BCL7C: variants seen among roughly 807,000 people sequenced by gnomAD.
The protein encoded by BCL7C is B-cell CLL/lymphoma 7 protein family member C.
A neutral mutation model predicts 26.2 loss-of-function variants in BCL7C; 8 were observed. That is an observed-to-expected ratio of 0.30 (90% CI 0.18 to 0.55). The LOEUF (loss-of-function observed/expected upper bound fraction) is 0.55. Among genes scored for constraint, BCL7C ranks in the 20% least tolerant of loss-of-function variants. BCL7C has a pLI of 0.93. For synonymous variants in BCL7C, 90 were observed against 116.5 expected (o/e 0.77, Z 1.47); for missense variants, 262 against 298.5 (o/e 0.88, Z 0.90).
intron 5 of BCL7C, among the ~76,000 whole-genome samples, chr16:30,845,108 C>T (rs555446340): frequency 8.5e-5 from 13 of 152,322 alleles, no homozygotes; most frequent in Admixed American, 2.6e-4. Context: ...TCCCATACCA[C>T]ATGCCGCCTT....
intron 5 of BCL7C, among the ~76,000 whole-genome samples, chr16:30,836,546 C>G (rs1386573366): frequency 6.7e-6 from 1 of 148,938 alleles, no homozygotes; most frequent in Non-Finnish European, 1.5e-5. Flanking sequence ...ACAATCATGG[C>G]TCACTGAAGC....
downstream of BCL7C, among the ~76,000 whole-genome samples, chr16:30,883,224 G>C (rs1237972211): frequency 2.0e-5 from 3 of 152,138 alleles, no homozygotes; most frequent in African/African-American, 4.8e-5. Flanking sequence ...GGTGGGGCCC[G>C]AGAGCCAGGG....
chr16:30,884,423 G>A (rs915959735), downstream of BCL7C, among the ~76,000 whole-genome samples: 2 of 151,178 alleles, frequency 1.3e-5, no homozygotes, highest in Admixed American at 1.3e-4. Context: ...GTCTCTCCAT[G>A]TGTGGCCTAA....
Position 30,834,870 on chromosome 16 carries a change from C to G in BCL7C, c.*78G>C. On this transcript the variant is annotated 3_prime_UTR_variant, in exon 6 of 6. Coordinates refer to the BCL7C transcript ENST00000380317. The surrounding 1 kb of genome is among the most constrained non-coding windows in gnomAD (Gnocchi z 4.3). ...GGTGAGCTGGGAAGCTCTTTCCGCC[C>G]TCGGGGCACAGGTAGTGGCTGGATC... 3 of 1,379,250 alleles carry G rather than the reference C, an allele frequency of 2.2e-6. 1 individual carries two copies. The highest frequency in any genetic ancestry group is 3.0e-5 in the South Asian group (2 of 65,960). The allele number at this position is 1,379,250 out of a possible 1,614,324, so 85.4% of individuals were successfully genotyped here.
At position 30,892,820 on chromosome 16, in the gene BCL7C, G is replaced by C; in HGVS notation, c.280+20C>G. On this transcript the variant is annotated intron_variant, in intron 3 of 5. Coordinates refer to ENST00000215115, the MANE Select transcript of BCL7C (RefSeq NM_004765.4). Reference sequence around the variant, plus strand: ...TCCTTCAGTCCCCACAGCCCCCCGCGTTTCAGGATCCCTACCTACCATTAA... The same window carrying C: ...TCCTTCAGTCCCCACAGCCCCCCGCCTTTCAGGATCCCTACCTACCATTAA... The C allele has an allele frequency of 6.2e-7, 1 of 1,613,664 alleles. No individual in the cohort carries two copies. Among genetic ancestry groups the C allele is most frequent in the South Asian group, 1.1e-5 (1 of 91,080 alleles).
chr16:30,889,976 C>G (rs2055201121), intron 4 of BCL7C, among the ~76,000 whole-genome samples: 1 of 150,254 alleles, frequency 6.7e-6, no homozygotes, highest in African/African-American at 2.4e-5. Flanking sequence ...AAAAGTTGTT[C>G]TGGCAGCTGT....
At chr16:30,859,319 T>A (rs962095126) in intron 5 of BCL7C, among the ~76,000 whole-genome samples, 1 of 152,120 alleles carries the variant, frequency 6.6e-6, no homozygotes, top group Non-Finnish European at 1.5e-5. Context: ...AAGTGAGTAA[T>A]GAAAATCCTA....
intron 5 of BCL7C, among the ~76,000 whole-genome samples, chr16:30,866,470 A>G (rs1235432579): frequency 6.6e-6 from 1 of 150,962 alleles, no homozygotes; most frequent in Non-Finnish European, 1.5e-5. Context: ...CCAGCTACTC[A>G]GGGGGCTGAG....
chr16:30,859,666 C>A (rs2054753352), intron 5 of BCL7C, among the ~76,000 whole-genome samples: 1 of 152,090 alleles, frequency 6.6e-6, no homozygotes, highest in Non-Finnish European at 1.5e-5. Flanking sequence ...TAATATTCTC[C>A]CCTGCCCTTA....
chr16:30,842,699 G>A (rs1339349772), intron 5 of BCL7C, among the ~76,000 whole-genome samples: 1 of 152,096 alleles, frequency 6.6e-6, no homozygotes, highest in Non-Finnish European at 1.5e-5. Context: ...CTCCCGAGTA[G>A]CTGGGACCAC....
chr16:30,834,303 G>C lies in BCL7C; in HGVS notation c.*645C>G, dbSNP rs371713868. On this transcript the variant is annotated 3_prime_UTR_variant, in exon 6 of 6. Coordinates refer to the BCL7C transcript ENST00000380317. The surrounding 1 kb of genome is among the most constrained non-coding windows in gnomAD (Gnocchi z 4.3). Reference sequence around the variant, plus strand: ...CATGGGTTCCCAGGTTGGCCTGCTAGGCTGACACCCTGGTGGAACCACTTG... The same window carrying C: ...CATGGGTTCCCAGGTTGGCCTGCTACGCTGACACCCTGGTGGAACCACTTG... The C allele has an allele frequency of 3.2e-4, 49 of 152,392 alleles. 1 individual carries two copies. Among genetic ancestry groups the C allele is most frequent in the African/African-American group, 1.2e-3 (48 of 41,598 alleles). The allele number at this position is 152,392 out of a possible 1,614,324, so 9.4% of individuals were successfully genotyped here. A position where few individuals can be genotyped will look rare whatever the true frequency, so the allele number is the denominator to read the frequency against.
At chr16:30,868,553 A>G (rs926221278) in intron 5 of BCL7C, among the ~76,000 whole-genome samples, 1 of 151,776 alleles carries the variant, frequency 6.6e-6, no homozygotes, top group African/African-American at 2.4e-5. Flanking sequence ...TGGGAGGCCG[A>G]GGTGGGCAGA....
chr16:30,860,125 C>T (rs1051929417), intron 5 of BCL7C, among the ~76,000 whole-genome samples: 4 of 152,194 alleles, frequency 2.6e-5, no homozygotes, highest in African/African-American at 9.6e-5. Context: ...AGGTCTTTTT[C>T]CTCTCTAGTA....
At chr16:30,879,689 C>CCAAAAAAAAAAAA (rs2055008131) in intron 5 of BCL7C, among the ~76,000 whole-genome samples, 1 of 29,406 alleles carries the variant, frequency 3.4e-5, no homozygotes, top group Non-Finnish European at 5.9e-5. Context: ...CCCTTCTCTA[C>CCAAAAAAAAAAAA]AAAAAAAAAA....
intron 5 of BCL7C, among the ~76,000 whole-genome samples, chr16:30,844,251 G>A (rs2054620057): frequency 6.7e-6 from 1 of 149,760 alleles, no homozygotes; most frequent in Non-Finnish European, 1.5e-5. Flanking sequence ...TCGGGAGGCT[G>A]AGGCAGGAGA....
chr16:30,882,707 A>T (rs1596615680), intron 5 of BCL7C, among the ~76,000 whole-genome samples: 1 of 152,304 alleles, frequency 6.6e-6, no homozygotes, highest in East Asian at 1.9e-4. Flanking sequence ...AACTGGGGGC[A>T]GTGGCATGGA....
chr16:30,880,032 C>G (rs1401481261), intron 5 of BCL7C, among the ~76,000 whole-genome samples: 1 of 151,780 alleles, frequency 6.6e-6, no homozygotes, highest in Non-Finnish European at 1.5e-5. Context: ...GTAGCACATG[C>G]CTGTGGTCCC....
At chr16:30,841,376 T>C (rs2054600803) in intron 5 of BCL7C, among the ~76,000 whole-genome samples, 1 of 152,176 alleles carries the variant, frequency 6.6e-6, no homozygotes, top group Non-Finnish European at 1.5e-5. Context: ...TGTGACCAAC[T>C]CAGCATTCCA....
chr16:30,873,998 CTTT>C (rs761712229), intron 5 of BCL7C, among the ~76,000 whole-genome samples: 11 of 108,664 alleles, frequency 1.0e-4, no homozygotes, highest in Non-Finnish European at 2.0e-4. Context: ...GGTGTCAAAC[CTTT>C]TTTTTTTTTT....
Sources: allele counts gnomAD v4.1 joint callset (sites outside exome capture counted in the v4.1 genomes callset), GRCh38; gene constraint gnomAD v4.1.1; non-coding constraint Gnocchi (gnomAD v3.1); transcripts MANE v1.5; gene names NCBI Gene and HGNC (gene_info 2026-07-23, HGNC 2026-07-21).